The following ROPN1 variants were observed in gnomAD, a reference collection of about 807,000 sequenced individuals.
ROPN1 encodes ropporin-1A.
ROPN1 carries 14 observed loss-of-function variants against 20.5 expected under a neutral mutation model. That is an observed-to-expected ratio of 0.68 (90% CI 0.45 to 1.07). The LOEUF is 1.07. Ranked by LOEUF, ROPN1 falls within the 50% of genes least tolerant of loss-of-function variation. The probability of loss-of-function intolerance (pLI) is 0.00; values close to 1 mark genes in which losing one functional copy is unlikely to be tolerated. For missense variants in ROPN1, 169 were observed against 242.8 expected, an observed-to-expected ratio of 0.70 and a Z score of 2.02; for synonymous variants, 76 against 95.7, an observed-to-expected ratio of 0.79 and a Z score of 1.20.
chr3:123,969,274 A>G (rs536874433), intron 5 of ROPN1, 53 bp from the exon 6 acceptor site: 5 of 1,358,078 alleles, frequency 3.7e-6, no homozygotes, highest in South Asian at 3.5e-5. Flanking sequence ...TAATCTTAAG[A>G]AAGACAATAT....
intron 1 of ROPN1, among the ~76,000 whole-genome samples, chr3:123,980,976 A>C (rs17310770): frequency 0.11 from 17,301 of 152,218 alleles, 1,246 homozygotes; most frequent in Middle Eastern, 0.22. Flanking sequence ...GGCCATTTCC[A>C]CATAAAAATA....
chr3:123,969,457 T>A (rs565688632), intron 5 of ROPN1, among the ~76,000 whole-genome samples: 30 of 152,140 alleles, frequency 2.0e-4, no homozygotes, highest in Non-Finnish European at 4.0e-4. Context: ...CCCAATTAAC[T>A]GATACAGACA....
chr3:123,982,286 G>T (rs894453821), intron 1 of ROPN1, among the ~76,000 whole-genome samples: 1 of 152,190 alleles, frequency 6.6e-6, no homozygotes, highest in African/African-American at 2.4e-5. Context: ...AATTCTCAAT[G>T]AGTATGCCAC....
At position 123,970,185 on chromosome 3, in the gene ROPN1, C is replaced by T. The variant is rs2037888305; in HGVS notation, c.429G>A (p.Glu143=). The T allele has an allele frequency of 1.9e-6, 3 of 1,613,874 alleles. No homozygotes were observed. Among genetic ancestry groups the T allele is most frequent in the Middle Eastern group, 3.3e-4 (2 of 6,084 alleles). Reference sequence around the variant, plus strand: ...CACCATTATGGTCACATGATAAGACCTCACACACTATCTTGAGAGTTTTGG... The same window carrying T: ...CACCATTATGGTCACATGATAAGACTTCACACACTATCTTGAGAGTTTTGG... ...TITKTLKIVC[E]VLSCDHNGGS... The change falls in exon 5 of 6, where the codon GAG becomes GAA. Residue 143 remains glutamate, a synonymous_variant. Transcript: ENST00000405845.
chr3:123,982,149 T>C (rs551230446), intron 1 of ROPN1, among the ~76,000 whole-genome samples: 31 of 152,212 alleles, frequency 2.0e-4, no homozygotes, highest in Admixed American at 1.6e-3. Flanking sequence ...AAAGTTAAGG[T>C]AGACATACTC....
At chr3:123,987,728 G>A (rs1294674342) in intron 1 of ROPN1, among the ~76,000 whole-genome samples, 1 of 152,206 alleles carries the variant, frequency 6.6e-6, no homozygotes, top group East Asian at 1.9e-4. Flanking sequence ...ATATTGCTAA[G>A]AGCAGTCCTA....
At chr3:123,984,253 T>G (rs987598236) in intron 1 of ROPN1, among the ~76,000 whole-genome samples, 1 of 152,210 alleles carries the variant, frequency 6.6e-6, no homozygotes, top group Admixed American at 6.5e-5. Context: ...CTTGTGCTTC[T>G]ATTTCATACT....
chr3:123,989,585 G>A (rs988928171), intron 1 of ROPN1, among the ~76,000 whole-genome samples: 2 of 152,178 alleles, frequency 1.3e-5, no homozygotes, highest in African/African-American at 4.8e-5. Flanking sequence ...CCTATGCTGG[G>A]ATCCTGTAGC....
intron 1 of ROPN1, among the ~76,000 whole-genome samples, chr3:123,983,817 A>C (rs2148999525): frequency 6.6e-6 from 1 of 152,314 alleles, no homozygotes; most frequent in African/African-American, 2.4e-5. Flanking sequence ...TTTCTCAAGT[A>C]ATCCTCAAAA....
At chr3:123,974,962 T>G in intron 4 of ROPN1, 1 of 225,624 alleles carries the variant, frequency 4.4e-6, no homozygotes. Context: ...TCCAATTCTG[T>G]TTATTACATA....
rs1440937769 is a variant in ROPN1 at position 123,969,340 on chromosome 3, G to A, written c.573-119C>T. ...CTGTTGCTCCTTTTTCTCTTTTTTT[G>A]TTTTGTTTTGTTTTCTGAGACAGGG... On this transcript the variant is annotated intron_variant, in intron 5 of 5. Coordinates refer to ENST00000405845, the MANE Select transcript of ROPN1 (RefSeq NM_001317774.2). 5 of 871,320 alleles carry A rather than the reference G, an allele frequency of 5.7e-6. No individual in the cohort carries two copies. The South Asian group carries it at 7.9e-5, about 14-fold the overall frequency. The allele number at this position is 871,320 out of a possible 1,614,324, so 54.0% of individuals were successfully genotyped here.
At position 123,985,992 on chromosome 3, in the gene ROPN1, CAAAAAAA is replaced by C. The variant is rs35677015; in HGVS notation, c.-12-5506_-12-5500del. ...TGGGTGACAGAGCAAGACCTTGTCT[CAAAAAAA>C]AAAAAAAAAAAAAAAAAAATCAAAA... On this transcript the variant is annotated intron_variant, in intron 1 of 5. Coordinates refer to ENST00000405845, the MANE Select transcript of ROPN1 (RefSeq NM_001317774.2). Among the ~76,000 whole-genome samples, 6 of 22,126 alleles carry C rather than the reference CAAAAAAA, an allele frequency of 2.7e-4. 1 individual carries two copies. The highest frequency in any genetic ancestry group is 5.9e-4 in the Non-Finnish European group (5 of 8,524). The allele number at this position is 22,126 out of a possible 152,430, so 14.5% of individuals were successfully genotyped here.
In ROPN1 at chr3:123,976,961, C is replaced by T. The variant is rs112472718; in HGVS notation, c.137G>A (p.Arg46His). ...WAADYFEALS[R>H]GETPPVRERS... is the part of the protein sequence containing the mutation. ...CTCTCTCACCGGAGGCGTCTCTCCA[C>T]GGGACAGGGCCTCAAAATAACTACA... The change falls in exon 3 of 6, where the codon CGT (arginine) becomes CAT (histidine). Residue 46 changes from arginine to histidine, a missense_variant. Transcript: ENST00000405845. 61 of 1,613,432 alleles carry T rather than the reference C, an allele frequency of 3.8e-5. No individual in the cohort carries two copies. The highest frequency in any genetic ancestry group is 3.3e-4 in the Middle Eastern group (2 of 6,050).
At chr3:123,978,362 C>T (rs2038068129) in intron 2 of ROPN1, among the ~76,000 whole-genome samples, 2 of 152,194 alleles carry the variant, frequency 1.3e-5, no homozygotes, top group African/African-American at 4.8e-5. Flanking sequence ...GGGACAGAGA[C>T]ACACAGCACC....
At chr3:123,975,866 T>C in intron 3 of ROPN1, 2 of 370,188 alleles carry the variant, frequency 5.4e-6, no homozygotes, top group Non-Finnish European at 1.0e-5. Flanking sequence ...ATATGACAGA[T>C]AGAAGAGCCT....
chr3:123,988,243 T>A (rs1222489917), intron 1 of ROPN1, among the ~76,000 whole-genome samples: 1 of 152,118 alleles, frequency 6.6e-6, no homozygotes, highest in Non-Finnish European at 1.5e-5. Flanking sequence ...CCTCTTGGGT[T>A]CAAGCAATTC....
Position 123,976,982 on chromosome 3 carries a change from C to T in ROPN1, c.117-1G>A. The T allele has an allele frequency of 6.2e-7, 1 of 1,607,070 alleles. No homozygotes were observed. Among genetic ancestry groups the T allele is most frequent in the Non-Finnish European group, 8.5e-7 (1 of 1,177,822 alleles). On this transcript the variant is annotated splice_acceptor_variant, in intron 2 of 5. Transcript: ENST00000405845. LOFTEE classifies it high-confidence loss of function. The stretch of plus-strand genomic sequence containing the variant: ...TCCACGGGACAGGGCCTCAAAATAA[C>T]TACAAGAAAAAAAGTCAGAGAGTAG...
intron 2 of ROPN1, among the ~76,000 whole-genome samples, chr3:123,977,458 T>G (rs1489911424): frequency 6.6e-6 from 1 of 152,232 alleles, no homozygotes; most frequent in Non-Finnish European, 1.5e-5. Flanking sequence ...GAGGACCACT[T>G]AAGCCCAGGA....
rs766485924 is a variant in ROPN1, at chr3:123,969,144, A to G, written c.*11T>C. 3.7e-6 allele frequency: 6 copies of G among 1,612,198 alleles called. No homozygotes were observed. The highest frequency in any genetic ancestry group is 1.3e-5 in the African/African-American group (1 of 74,986). On this transcript the variant is annotated 3_prime_UTR_variant, in exon 6 of 6. Coordinates refer to ENST00000405845, the MANE Select transcript of ROPN1 (RefSeq NM_001317774.2). ...TCTGTATCTTCCTTTAAAATTGCCA[A>G]AATTGTGCTTTTACTCCAGCTGAAC...
Sources: allele counts gnomAD v4.1 joint callset (sites outside exome capture counted in the v4.1 genomes callset), GRCh38; gene constraint gnomAD v4.1.1; transcripts MANE v1.5; gene names NCBI Gene and HGNC (gene_info 2026-07-23, HGNC 2026-07-21).